Variants in ARFGEF2 observed in about 807,000 individuals in gnomAD.
ARFGEF2 encodes the protein ARF guanine nucleotide exchange factor 2, also known as brefeldin A-inhibited guanine nucleotide-exchange protein 2.
A neutral mutation model predicts 219.9 loss-of-function variants in ARFGEF2; 74 were observed. The ratio of observed to expected loss-of-function variants is 0.34; its 90% CI spans 0.28 to 0.41. The LOEUF (loss-of-function observed/expected upper bound fraction) is 0.41. ARFGEF2 is among the 10% of genes least tolerant of loss of function. The pLI is 1.00. For missense variants in ARFGEF2, 1,743 were observed against 2,218.3 expected (o/e 0.79, Z 4.30); for synonymous variants, 733 against 799.2 (o/e 0.92, Z 1.40).
intron 6 of ARFGEF2, among the ~76,000 whole-genome samples, chr20:48,956,437 G>T (rs1023955805): frequency 3.3e-5 from 5 of 151,712 alleles, no homozygotes; most frequent in Non-Finnish European, 7.4e-5. Context: ...AGGCAGGCGG[G>T]CCACTTGAGG....
intron 5 of ARFGEF2, among the ~76,000 whole-genome samples, chr20:48,953,148 T>C (rs1010121050): frequency 3.3e-4 from 50 of 151,792 alleles, no homozygotes; most frequent in Admixed American, 4.6e-4. Context: ...GAATTTTTCT[T>C]TCTTTCTTTC....
chr20:48,972,476 G>A (rs1174481997), intron 11 of ARFGEF2, 51 bp downstream of exon 11: 1 of 1,382,030 alleles, frequency 7.2e-7, no homozygotes, highest in East Asian at 2.3e-5. Flanking sequence ...GCTTTAATTT[G>A]CCACAGCTCA....
chr20:48,991,311 C>A, intron 21 of ARFGEF2, 113 bp downstream of exon 21: 1 of 1,433,664 alleles, frequency 7.0e-7, no homozygotes, highest in Non-Finnish European at 9.7e-7. Context: ...AATCACTGTA[C>A]CTCATGTATC....
chr20:48,994,517 C>T lies in ARFGEF2; in HGVS notation c.3040C>T (p.Leu1014=). The change falls in exon 22 of 39, where the codon CTG becomes TTG. Residue 1014 remains leucine (L), a synonymous_variant. Transcript: ENST00000371917. ...LIGTGVKTRY[L]SGSGREREGS... ...AGGAACCGGTGTGAAGACGCGCTAC[C>T]TGTCTGGATCTGGGCGTGAAAGAGA... 1 of 1,614,150 alleles carries T rather than the reference C, an allele frequency of 6.2e-7. No individual in the cohort carries two copies. The highest frequency in any genetic ancestry group is 8.5e-7 in the Non-Finnish European group (1 of 1,180,022).
chr20:48,925,676 A>AT (rs1297814354), intron 1 of ARFGEF2, among the ~76,000 whole-genome samples: 2 of 152,128 alleles, frequency 1.3e-5, no homozygotes, highest in Non-Finnish European at 1.5e-5. Context: ...TCTCTAAAAA[A>AT]ATATATAAAA....
chr20:48,995,795 G>A lies in ARFGEF2; in HGVS notation c.3134G>A (p.Ser1045Asn). 2.5e-6 allele frequency: 4 copies of A among 1,614,110 alleles called. No individual in the cohort carries two copies. The highest frequency in any genetic ancestry group is 3.4e-6 in the Non-Finnish European group (4 of 1,179,976). Reference sequence around the variant, plus strand: ...CATTGTGTTTCAGGTAATTTGGTGAGTGGCGGAGTGGATAAAAGACAGATG... The same window carrying A: ...CATTGTGTTTCAGGTAATTTGGTGAATGGCGGAGTGGATAAAAGACAGATG... ...FMGLGLGNLVSGGVDKRQMAS... is the reference protein window; with the variant it reads ...FMGLGLGNLVNGGVDKRQMAS... Residue 1045 changes from serine (S) to asparagine (N), a missense_variant, in exon 23 of 39, where the codon AGT (serine) becomes AAT (asparagine). Around this residue, in one of 5 missense-constraint regions of ARFGEF2, gnomAD observed 666 missense variants for 955.4 expected, o/e 0.70. Coordinates refer to ENST00000371917, the MANE Select transcript of ARFGEF2 (RefSeq NM_006420.3).
chr20:48,945,836 C>T (rs1008696745), intron 3 of ARFGEF2, among the ~76,000 whole-genome samples: 3 of 152,056 alleles, frequency 2.0e-5, no homozygotes, highest in Admixed American at 6.6e-5. Context: ...CTAACTCTAG[C>T]CTGAGTGACA....
At chr20:48,923,578 G>A (rs545450652) in intron 1 of ARFGEF2, among the ~76,000 whole-genome samples, 1 of 152,314 alleles carries the variant, frequency 6.6e-6, no homozygotes, top group South Asian at 2.1e-4. Flanking sequence ...CAATAACCAA[G>A]GCTGTTGGGT....
In ARFGEF2 at chr20:49,018,994, C is replaced by T. The variant is rs781383474; in HGVS notation, c.4620C>T (p.Tyr1540=). Residue 1540 remains tyrosine, a synonymous_variant, in exon 34 of 39, where the codon TAC becomes TAT. Coordinates refer to ENST00000371917, the MANE Select transcript of ARFGEF2 (RefSeq NM_006420.3). ...ATGACAGCTGGAAGGGTAGACCATACGCAAGTAAGGCCACTTTTTAATTTG... is the reference window on the plus strand; with the variant it reads ...ATGACAGCTGGAAGGGTAGACCATATGCAAGTAAGGCCACTTTTTAATTTG... The part of the protein sequence containing the change: ...PTDDSWKGRP[Y]ANQKLFASLL... The T allele has an allele frequency of 2.0e-5, 33 of 1,612,648 alleles. No individual in the cohort carries two copies. Among genetic ancestry groups the T allele is most frequent in the South Asian group, 8.8e-5 (8 of 91,048 alleles).
At position 48,951,407 on chromosome 20, in the gene ARFGEF2, A is replaced by T; in HGVS notation, c.361A>T (p.Thr121Ser). ...GCGGCTGATCGACAGAATTGTTGAA[A>T]CCATTTGCAGTTGTTTTCAGGGCCC... is the stretch of plus-strand genomic sequence containing the variant. The part of the protein sequence containing the change: ...GKRLIDRIVE[T>S]ICSCFQGPQT... The change falls in exon 4 of 39, where the codon ACC becomes TCC. Residue 121 changes from threonine (T) to serine (S), a missense_variant. Physicochemically the swap from Thr to Ser is moderately conservative, Grantham distance 58 (BLOSUM62 1). Coordinates refer to ENST00000371917, the MANE Select transcript of ARFGEF2 (RefSeq NM_006420.3). The T allele has an allele frequency of 6.2e-7, 1 of 1,614,178 alleles. No homozygotes were observed. Among genetic ancestry groups the T allele is most frequent in the South Asian group, 1.1e-5 (1 of 91,090 alleles).
Position 48,969,228 on chromosome 20 carries a change from C to T in ARFGEF2, c.1141C>T (p.Leu381=), listed in dbSNP as rs1256995975. 2 of 1,614,246 alleles carry T rather than the reference C, an allele frequency of 1.2e-6. No individual in the cohort carries two copies. Among genetic ancestry groups the T allele is most frequent in the Admixed American group, 1.7e-5 (1 of 60,032 alleles). Residue 381 remains leucine, a synonymous_variant, in exon 9 of 39, where the codon CTG becomes TTG. Coordinates refer to ENST00000371917, the MANE Select transcript of ARFGEF2 (RefSeq NM_006420.3). ...QKDAFLVFRS[L]CKLSMKPLGE... is the part of the protein sequence containing the mutation. ...GGATGCCTTCCTTGTGTTCCGCTCCCTGTGCAAGCTGTCCATGAAACCCCT... is the reference window on the plus strand; with the variant it reads ...GGATGCCTTCCTTGTGTTCCGCTCCTTGTGCAAGCTGTCCATGAAACCCCT...
intron 36 of ARFGEF2, among the ~76,000 whole-genome samples, chr20:49,028,033 A>C (rs1325741633): frequency 6.6e-6 from 1 of 152,072 alleles, no homozygotes; most frequent in African/African-American, 2.4e-5. Context: ...CGAGGCAGGC[A>C]GATCACTTGA....
intron 3 of ARFGEF2, among the ~76,000 whole-genome samples, chr20:48,945,885 C>T (rs1389574486): frequency 2.0e-5 from 3 of 152,032 alleles, no homozygotes; most frequent in Admixed American, 6.6e-5. Context: ...GAAAAACACA[C>T]AGAAAGGAAT....
At chr20:49,005,883 G>A (rs2091456379) in intron 26 of ARFGEF2, among the ~76,000 whole-genome samples, 1 of 152,128 alleles carries the variant, frequency 6.6e-6, no homozygotes, top group African/African-American at 2.4e-5. Context: ...CCCCCAGGGA[G>A]GTCATAAAAG....
chr20:49,024,388 AG>A lies in ARFGEF2; in HGVS notation c.4756-924del, dbSNP rs762400661. 8.5e-5 allele frequency among the ~76,000 whole-genome samples: 13 copies of A among 152,200 alleles called. 1 individual carries two copies. The highest frequency in any genetic ancestry group is 2.9e-4 in the African/African-American group (12 of 41,448). ...GGGGCTAGCAGATCCTGTGAGAGTG[AG>A]TGAGTGAGGCAGGCTGGGTAAGGAT... On this transcript the variant is annotated intron_variant, in intron 35 of 38. Transcript: ENST00000371917.
chr20:48,982,396 G>A (rs1328651443), intron 14 of ARFGEF2, among the ~76,000 whole-genome samples: 12 of 152,266 alleles, frequency 7.9e-5, no homozygotes, highest in Admixed American at 5.2e-4. Context: ...AGGGGCACCC[G>A]CCTGTATGAG....
In ARFGEF2 at chr20:49,014,200, C is replaced by A. The variant is rs563984041; in HGVS notation, c.4179+240C>A. Among the ~76,000 whole-genome samples, 3 of 151,912 alleles carry A rather than the reference C, an allele frequency of 2.0e-5. No homozygotes were observed. The East Asian group carries it at 5.8e-4, about 30-fold the overall frequency. ...ACATCTCTGTGGTCTGCTGCTTGGC[C>A]CTCAGGCATTGCACCTTCCAGTTCA... On this transcript the variant is annotated intron_variant, in intron 30 of 38. Transcript: ENST00000371917.
At chr20:48,978,935 T>C (rs1199794383) in intron 14 of ARFGEF2, among the ~76,000 whole-genome samples, 1 of 152,226 alleles carries the variant, frequency 6.6e-6, no homozygotes, top group East Asian at 1.9e-4. Flanking sequence ...ACAATTTGAC[T>C]TCCTCTTTTC....
intron 1 of ARFGEF2, among the ~76,000 whole-genome samples, chr20:48,940,528 C>T (rs1022166930): frequency 6.6e-6 from 1 of 152,212 alleles, no homozygotes; most frequent in Non-Finnish European, 1.5e-5. Context: ...TGTGATATTA[C>T]CATGTTATTG....
Sources: allele counts gnomAD v4.1 joint callset (sites outside exome capture counted in the v4.1 genomes callset), GRCh38; gene constraint gnomAD v4.1.1; regional missense constraint gnomAD v4.1.1; transcripts MANE v1.5; gene names NCBI Gene and HGNC (gene_info 2026-07-23, HGNC 2026-07-21).